The following PLA2G5 variants were observed in gnomAD, a reference collection of about 807,000 sequenced individuals.
The protein encoded by PLA2G5 is phospholipase A2 group V, also known as Ca2+-dependent phospholipase A2.
Under a neutral mutation model 15.9 loss-of-function variants are expected in PLA2G5, and 12 were observed. That is an observed-to-expected ratio of 0.76 (90% CI 0.48 to 1.23). The LOEUF (loss-of-function observed/expected upper bound fraction) is 1.23, where lower values mean the gene tolerates loss of function less well. Ranked by LOEUF, PLA2G5 falls within the 50% of genes most tolerant of loss-of-function variation. The pLI is 0.00. For synonymous variants in PLA2G5, 71 were observed against 71.4 expected, an observed-to-expected ratio of 0.99 and a Z score of 0.03; for missense variants, 169 against 177.1, an observed-to-expected ratio of 0.95 and a Z score of 0.26.
chr1:20,050,863 CTTTAAGATA>C (rs141384993), intron 1 of PLA2G5, among the ~76,000 whole-genome samples: 14,883 of 151,934 alleles, frequency 0.098, 1,149 homozygotes, highest in African/African-American at 0.22. Context: ...CTAATTAATT[CTTTAAGATA>C]TTAGATTCCC....
At chr1:20,069,425 C>T (rs2015221698), upstream of PLA2G5, among the ~76,000 whole-genome samples, 1 of 152,150 alleles carries the variant, frequency 6.6e-6, no homozygotes, top group Admixed American at 6.5e-5. Flanking sequence ...GTAATTCCAG[C>T]ACTTTGGAAG....
chr1:20,080,930 C>A (rs187201685), intron 1 of PLA2G5, among the ~76,000 whole-genome samples: 421 of 151,982 alleles, frequency 2.8e-3, no homozygotes, highest in Non-Finnish European at 5.2e-3. Flanking sequence ...AGGAGTGAAC[C>A]CCCATCACCT....
intron 1 of PLA2G5, among the ~76,000 whole-genome samples, chr1:20,048,561 G>A (rs12402129): frequency 0.17 from 25,407 of 152,192 alleles, 2,289 homozygotes; most frequent in East Asian, 0.28. Context: ...TCCACAGACA[G>A]TAAGGTTTGT....
intron 2 of PLA2G5, 48 bp from the exon 3 acceptor site, chr1:20,086,035 A>T: frequency 6.2e-7 from 1 of 1,607,330 alleles, no homozygotes; most frequent in African/African-American, 1.3e-5. Flanking sequence ...GGCCTAAAGC[A>T]GGGCTGGGCT....
chr1:20,037,234 G>C (rs1569630229), intron 1 of PLA2G5, among the ~76,000 whole-genome samples: 1 of 152,194 alleles, frequency 6.6e-6, no homozygotes, highest in East Asian at 1.9e-4. Context: ...AGATTCTTTT[G>C]TTCCATGGGG....
chr1:20,046,614 G>A (rs1848112), intron 1 of PLA2G5, among the ~76,000 whole-genome samples: 9,001 of 152,162 alleles, frequency 0.059, 479 homozygotes, highest in East Asian at 0.25. Context: ...TTTCTTTGTG[G>A]AATTTCGAGA....
intron 2 of PLA2G5, among the ~76,000 whole-genome samples, chr1:20,064,728 T>C (rs1428812768): frequency 1.3e-5 from 2 of 152,116 alleles, no homozygotes; most frequent in African/African-American, 4.8e-5. Flanking sequence ...ACCCTGTATC[T>C]ACAATAAAAG....
At chr1:20,034,973 G>A (rs965329832) in intron 1 of PLA2G5, among the ~76,000 whole-genome samples, 2 of 151,938 alleles carry the variant, frequency 1.3e-5, no homozygotes, top group East Asian at 3.9e-4. Context: ...AGGGAAGGGG[G>A]CTGGGAACAG....
At chr1:20,073,457 G>T (rs768620816) in intron 1 of PLA2G5, among the ~76,000 whole-genome samples, 1 of 152,174 alleles carries the variant, frequency 6.6e-6, no homozygotes. Context: ...AGAACTAGTG[G>T]TGTGTATCTT....
intron 1 of PLA2G5, among the ~76,000 whole-genome samples, chr1:20,042,161 T>C (rs1343263767): frequency 6.6e-6 from 1 of 152,168 alleles, no homozygotes; most frequent in African/African-American, 2.4e-5. Flanking sequence ...GGCAATGAGT[T>C]TGGCTTGCTG....
At chr1:20,030,253 TA>T (rs561532625) in intron 1 of PLA2G5, among the ~76,000 whole-genome samples, 2 of 151,506 alleles carry the variant, frequency 1.3e-5, no homozygotes, top group Non-Finnish European at 2.9e-5. Context: ...GGCAGGACTA[TA>T]GGGTAATGGT....
At chr1:20,039,722 A>C (rs2013480421) in intron 1 of PLA2G5, among the ~76,000 whole-genome samples, 3 of 152,082 alleles carry the variant, frequency 2.0e-5, no homozygotes, top group South Asian at 4.2e-4. Context: ...TCTTATAAGA[A>C]CTTTACATAC....
chr1:20,038,880 G>A (rs1215728450), intron 1 of PLA2G5, among the ~76,000 whole-genome samples: 3 of 152,258 alleles, frequency 2.0e-5, no homozygotes, highest in African/African-American at 7.2e-5. Flanking sequence ...GATGTCCTCA[G>A]CGTCAAGGGC....
intron 1 of PLA2G5, among the ~76,000 whole-genome samples, chr1:20,036,455 C>G (rs6701232): frequency 6.6e-6 from 1 of 151,814 alleles, no homozygotes; most frequent in East Asian, 1.9e-4. Context: ...TTTTTCTTTT[C>G]TCTTTGTCAG....
intron 3 of PLA2G5, 49 bp downstream of exon 3, chr1:20,086,276 T>C (rs571453298): frequency 1.9e-6 from 3 of 1,580,766 alleles, no homozygotes; most frequent in Admixed American, 1.7e-5. Context: ...TCTGCACCCA[T>C]GTTTTCTTAT....
intron 1 of PLA2G5, among the ~76,000 whole-genome samples, chr1:20,038,912 A>T (rs2013431988): frequency 2.0e-5 from 3 of 152,098 alleles, no homozygotes; most frequent in Admixed American, 1.3e-4. Flanking sequence ...TCCTATTCTC[A>T]TTTTCCCCAC....
intron 1 of PLA2G5, chr1:20,070,803 A>T (rs766200774): frequency 6.6e-6 from 1 of 152,192 alleles, no homozygotes; most frequent in African/African-American, 2.4e-5. Context: ...CCTTGCTTGG[A>T]TTTCTTTTTA....
At chr1:20,054,182 A>G (rs2014321994) in intron 1 of PLA2G5, among the ~76,000 whole-genome samples, 1 of 152,200 alleles carries the variant, frequency 6.6e-6, no homozygotes. Context: ...GAATTTCTCA[A>G]TTCAATCCGC....
chr1:20,044,370 G>T (rs940179046), intron 1 of PLA2G5, among the ~76,000 whole-genome samples: 1 of 46,888 alleles, frequency 2.1e-5, no homozygotes, highest in Non-Finnish European at 8.0e-5. Flanking sequence ...TTCCTGTTGT[G>T]GGGGGGGTTT....
Sources: allele counts gnomAD v4.1 joint callset (sites outside exome capture counted in the v4.1 genomes callset), GRCh38; gene constraint gnomAD v4.1.1; transcripts MANE v1.5; gene names NCBI Gene and HGNC (gene_info 2026-07-23, HGNC 2026-07-21).